TRPS1: variants seen among roughly 807,000 people sequenced by gnomAD.
TRPS1 encodes the protein transcriptional repressor GATA binding 1, also known as zinc finger transcription factor Trps1.
Under a neutral mutation model 101.2 loss-of-function variants are expected in TRPS1, and 6 were observed. The ratio of observed to expected loss-of-function variants is 0.06; its 90% CI spans 0.03 to 0.12. The LOEUF is 0.12. Ranked by LOEUF, TRPS1 falls within the 10% of genes least tolerant of loss-of-function variation. The pLI, the probability that TRPS1 is intolerant of heterozygous loss-of-function variation, is 1.00. For synonymous variants in TRPS1, 578 were observed against 589.8 expected, an observed-to-expected ratio of 0.98 and a Z score of 0.29; for missense variants, 1,363 against 1,567.0, an observed-to-expected ratio of 0.87 and a Z score of 2.20.
intron 5 of TRPS1, among the ~76,000 whole-genome samples, chr8:115,583,451 A>T (rs1360409252): frequency 1.3e-5 from 2 of 152,092 alleles, no homozygotes; most frequent in African/African-American, 4.8e-5. Flanking sequence ...AAATAAAAAC[A>T]CTGGGTTTTC....
chr8:115,574,547 C>A (rs73703326), intron 5 of TRPS1, among the ~76,000 whole-genome samples: 2,244 of 152,194 alleles, frequency 0.015, 69 homozygotes, highest in African/African-American at 0.051. Context: ...TGCTTTAACA[C>A]CTGATTTTCA....
chr8:115,567,395 G>A (rs183817222), intron 5 of TRPS1, among the ~76,000 whole-genome samples: 49 of 152,104 alleles, frequency 3.2e-4, no homozygotes, highest in Admixed American at 2.9e-3. Flanking sequence ...TATTAGAAAG[G>A]GGGGTGGGGA....
chr8:115,501,723 T>C (rs1368130680), intron 5 of TRPS1, among the ~76,000 whole-genome samples: 1 of 152,182 alleles, frequency 6.6e-6, no homozygotes, highest in South Asian at 2.1e-4. Context: ...AGAGCCAAAA[T>C]AGAAAATCAT....
At chr8:115,525,185 C>A (rs574219176) in intron 5 of TRPS1, among the ~76,000 whole-genome samples, 72 of 152,226 alleles carry the variant, frequency 4.7e-4, no homozygotes, top group Non-Finnish European at 8.8e-4. Context: ...TTAGTGAAAG[C>A]AGATCAGTTC....
chr8:115,430,648 T>G (rs909262938), intron 5 of TRPS1, among the ~76,000 whole-genome samples: 1 of 152,110 alleles, frequency 6.6e-6, no homozygotes, highest in South Asian at 2.1e-4. Flanking sequence ...AGTCCCTGCT[T>G]GTCTGAGCTA....
At chr8:115,597,509 A>G (rs934626832) in intron 4 of TRPS1, among the ~76,000 whole-genome samples, 13 of 152,072 alleles carry the variant, frequency 8.5e-5, no homozygotes, top group African/African-American at 2.9e-4. Context: ...GAACTGCTCT[A>G]TATGTGCTTC....
At position 115,442,367 on chromosome 8, in the gene TRPS1, A is replaced by C. The variant is rs561641395; in HGVS notation, c.2701-23915T>G. Among the ~76,000 whole-genome samples the C allele has an allele frequency of 1.1e-4, 17 of 152,330 alleles. No homozygotes were observed. In the East Asian group the frequency reaches 3.1e-3, roughly 28 times the overall value. ...CTTGCAGGAATATGGAAGAAAGGTA[A>C]GCATGAATTGTCACCTAAAATTGGA... On this transcript the variant is annotated intron_variant, in intron 5 of 6. Coordinates refer to ENST00000395715, the MANE Select transcript of TRPS1 (RefSeq NM_014112.5).
At chr8:115,564,204 C>A (rs1017031928) in intron 5 of TRPS1, among the ~76,000 whole-genome samples, 2 of 152,162 alleles carry the variant, frequency 1.3e-5, no homozygotes, top group South Asian at 4.1e-4. Flanking sequence ...CTATGGGGTA[C>A]ATTATTAGAT....
chr8:115,641,810 G>A (rs111324587), intron 1 of TRPS1, among the ~76,000 whole-genome samples: 3 of 152,158 alleles, frequency 2.0e-5, no homozygotes, highest in Middle Eastern at 3.4e-3. Flanking sequence ...AACCTGGGAG[G>A]CGGAGGTTGC....
At chr8:115,655,457 G>A (rs182719284) in intron 1 of TRPS1, among the ~76,000 whole-genome samples, 26 of 151,958 alleles carry the variant, frequency 1.7e-4, no homozygotes, top group African/African-American at 6.0e-4. Flanking sequence ...TGAAATCACA[G>A]AACTAAGAGA....
intron 5 of TRPS1, among the ~76,000 whole-genome samples, chr8:115,496,608 G>A (rs1196525366): frequency 1.3e-5 from 2 of 151,866 alleles, no homozygotes; most frequent in African/African-American, 2.4e-5. Flanking sequence ...AAGTGCCAGG[G>A]GAGAAAAAAA....
intron 3 of TRPS1, among the ~76,000 whole-genome samples, chr8:115,614,541 C>T (rs1818236648): frequency 6.6e-6 from 1 of 152,150 alleles, no homozygotes; most frequent in Non-Finnish European, 1.5e-5. Flanking sequence ...CTTTGCCTTG[C>T]TTTATGGCCT....
Position 115,619,571 on chromosome 8 carries a change from T to C in TRPS1, c.527A>G (p.Glu176Gly). 2 of 1,614,196 alleles carry C rather than the reference T, an allele frequency of 1.2e-6. No homozygotes were observed. The highest frequency in any genetic ancestry group is 1.7e-6 in the Non-Finnish European group (2 of 1,180,030). ...TTGACCACTCTGTGCTTGCCCTGTT[T>C]CCTCTGTAGCCTTTGGTGACATCTT... ...DQKMSPKATE[E>G]TGQAQSGQAN... Residue 176 changes from glutamate to glycine, a missense_variant, in exon 3 of 7, where the codon GAA becomes GGA. By Grantham distance (98) the Glu-to-Gly change is moderately conservative. Coordinates refer to ENST00000395715, the MANE Select transcript of TRPS1 (RefSeq NM_014112.5).
chr8:115,592,134 G>C (rs1051539377), intron 4 of TRPS1, among the ~76,000 whole-genome samples: 1 of 152,168 alleles, frequency 6.6e-6, no homozygotes, highest in African/African-American at 2.4e-5. Context: ...TGCAAAACAG[G>C]CTGGGCAGCA....
At chr8:115,642,836 C>T (rs1818932359) in intron 1 of TRPS1, among the ~76,000 whole-genome samples, 1 of 104,544 alleles carries the variant, frequency 9.6e-6, no homozygotes, top group African/African-American at 7.2e-5. Flanking sequence ...AGCATGCTTA[C>T]TTCGTGAAAA....
intron 5 of TRPS1, among the ~76,000 whole-genome samples, chr8:115,560,903 A>G (rs939798925): frequency 2.0e-5 from 3 of 152,154 alleles, no homozygotes; most frequent in African/African-American, 7.2e-5. Context: ...TTTAGGAGGT[A>G]AACAATAAAA....
intron 5 of TRPS1, among the ~76,000 whole-genome samples, chr8:115,513,710 GT>G (rs1815640294): frequency 6.6e-6 from 1 of 151,062 alleles, no homozygotes; most frequent in African/African-American, 2.4e-5. Flanking sequence ...ATAGAAAAAG[GT>G]TTGTGAACAC....
intron 4 of TRPS1, among the ~76,000 whole-genome samples, chr8:115,590,849 C>T (rs1315841964): frequency 6.6e-6 from 1 of 151,928 alleles, no homozygotes; most frequent in Non-Finnish European, 1.5e-5. Flanking sequence ...TAAATAAAGC[C>T]CCTCTGTTCT....
chr8:115,499,959 C>CTTTCT lies in TRPS1; in HGVS notation c.2701-81512_2701-81508dup, dbSNP rs147174443. Among the ~76,000 whole-genome samples the CTTTCT allele has an allele frequency of 7.1e-3, 426 of 60,082 alleles. 2 individuals are homozygous for CTTTCT. The highest frequency in any genetic ancestry group is 0.012 in the Non-Finnish European group (239 of 19,772). 39.4% of individuals were successfully genotyped at this position (60,082 alleles called of 152,430 possible). A position where few individuals can be genotyped will look rare whatever the true frequency, so the allele number is the denominator to read the frequency against. On this transcript the variant is annotated intron_variant, in intron 5 of 6. Coordinates refer to ENST00000395715, the MANE Select transcript of TRPS1 (RefSeq NM_014112.5). The stretch of plus-strand genomic sequence containing the variant: ...TCTTTCTTTCTTTCTTTCTTTCTTT[C>CTTTCT]TTTCTTTTCTTTTCTTTTCTTTTCT...
Sources: allele counts gnomAD v4.1 joint callset (sites outside exome capture counted in the v4.1 genomes callset), GRCh38; gene constraint gnomAD v4.1.1; transcripts MANE v1.5; gene names NCBI Gene and HGNC (gene_info 2026-07-23, HGNC 2026-07-21).